The following TAS2R1 variants were observed in gnomAD, a reference collection of about 807,000 sequenced individuals.
The protein encoded by TAS2R1 is taste receptor type 2 member 1.
For missense variants in TAS2R1, 370 were observed against 353.4 expected, an observed-to-expected ratio of 1.05 and a Z score of -0.38; for synonymous variants, 141 against 134.2, an observed-to-expected ratio of 1.05 and a Z score of -0.35.
the TAS2R1 span, among the ~76,000 whole-genome samples, chr5:9,895,662 C>T: frequency 2.6e-5 from 4 of 152,352 alleles, no homozygotes; most frequent in East Asian, 1.9e-4. Context: ...CCAATATATG[C>T]AGTCTGCCCT....
At chr5:9,865,752 T>C in the TAS2R1 span, among the ~76,000 whole-genome samples, 1 of 152,242 alleles carries the variant, frequency 6.6e-6, no homozygotes. Context: ...TTGTTTCCCA[T>C]CACAAGTCAG....
intron 1 of TAS2R1, among the ~76,000 whole-genome samples, chr5:9,705,257 C>A (rs1741578183): frequency 6.6e-6 from 1 of 152,114 alleles, no homozygotes; most frequent in African/African-American, 2.4e-5. Context: ...GAGTGGCTAC[C>A]CCTGGCTAGA....
At chr5:9,855,573 C>A in the TAS2R1 span, among the ~76,000 whole-genome samples, 13 of 152,170 alleles carry the variant, frequency 8.5e-5, 1 homozygote, top group Admixed American at 2.0e-4. Flanking sequence ...AGTAATTGGG[C>A]AAATGCCTGA....
the TAS2R1 span, among the ~76,000 whole-genome samples, chr5:9,793,297 T>C: frequency 6.6e-6 from 1 of 152,106 alleles, no homozygotes; most frequent in Non-Finnish European, 1.5e-5. Flanking sequence ...TAATTGAAGA[T>C]AAAAGGGAAT....
chr5:9,727,016 T>G, the TAS2R1 span, among the ~76,000 whole-genome samples: 1 of 152,174 alleles, frequency 6.6e-6, no homozygotes, highest in Non-Finnish European at 1.5e-5. Context: ...TCAACCTCTT[T>G]GAGAAATATG....
At chr5:9,669,876 C>G (rs965428160) in intron 1 of TAS2R1, among the ~76,000 whole-genome samples, 1 of 151,950 alleles carries the variant, frequency 6.6e-6, no homozygotes, top group African/African-American at 2.4e-5. Context: ...TGAACCACCC[C>G]CAAACCTGGT....
the TAS2R1 span, among the ~76,000 whole-genome samples, chr5:9,758,557 T>C: frequency 6.6e-6 from 1 of 152,202 alleles, no homozygotes; most frequent in African/African-American, 2.4e-5. Context: ...AGACCATTAT[T>C]GTCCACCTAT....
At chr5:9,780,968 C>T in the TAS2R1 span, among the ~76,000 whole-genome samples, 1 of 152,320 alleles carries the variant, frequency 6.6e-6, no homozygotes, top group South Asian at 2.1e-4. Flanking sequence ...ACCAGCTTGC[C>T]TATGCATTTC....
chr5:9,743,689 A>G, the TAS2R1 span, among the ~76,000 whole-genome samples: 5 of 152,194 alleles, frequency 3.3e-5, no homozygotes, highest in African/African-American at 1.2e-4. Context: ...AAGCAATGTC[A>G]CGAATTGTAC....
intron 2 of TAS2R1, among the ~76,000 whole-genome samples, chr5:9,653,688 T>C (rs900055314): frequency 1.3e-5 from 2 of 152,174 alleles, no homozygotes; most frequent in Non-Finnish European, 2.9e-5. Flanking sequence ...TTACTTTCTG[T>C]TTGGATTTCC....
the TAS2R1 span, among the ~76,000 whole-genome samples, chr5:9,773,931 T>G: frequency 6.6e-6 from 1 of 152,220 alleles, no homozygotes; most frequent in Non-Finnish European, 1.5e-5. Flanking sequence ...TTCTATAGCC[T>G]TCTTGTACTT....
chr5:9,758,812 A>G, the TAS2R1 span, among the ~76,000 whole-genome samples: 2 of 152,214 alleles, frequency 1.3e-5, no homozygotes, highest in Non-Finnish European at 2.9e-5. Context: ...AACAGTTGTC[A>G]AGTAAATCCT....
chr5:9,748,622 G>A, the TAS2R1 span, among the ~76,000 whole-genome samples: 8 of 150,404 alleles, frequency 5.3e-5, no homozygotes, highest in African/African-American at 1.8e-4. Flanking sequence ...AAGAGAAAGA[G>A]GGAGGGAGAT....
chr5:9,878,204 A>G, the TAS2R1 span, among the ~76,000 whole-genome samples: 1 of 152,166 alleles, frequency 6.6e-6, no homozygotes, highest in East Asian at 1.9e-4. Flanking sequence ...TGCAATATAA[A>G]ATGGTTCATC....
the TAS2R1 span, among the ~76,000 whole-genome samples, chr5:9,754,128 A>G: frequency 6.6e-6 from 1 of 152,228 alleles, no homozygotes; most frequent in Admixed American, 6.5e-5. Context: ...AACGTAATCC[A>G]GCATATAAAC....
the TAS2R1 span, among the ~76,000 whole-genome samples, chr5:9,894,677 T>A: frequency 2.6e-5 from 4 of 152,254 alleles, no homozygotes; most frequent in Non-Finnish European, 5.9e-5. Context: ...AGTAAGTTAG[T>A]TCTATCCTGG....
At chr5:9,818,937 A>G in the TAS2R1 span, among the ~76,000 whole-genome samples, 1 of 152,204 alleles carries the variant, frequency 6.6e-6, no homozygotes. Flanking sequence ...TCACACAGTT[A>G]ATCTTCCCAG....
At chr5:9,846,782 C>G in the TAS2R1 span, among the ~76,000 whole-genome samples, 1 of 152,188 alleles carries the variant, frequency 6.6e-6, no homozygotes, top group Admixed American at 6.5e-5. Context: ...AACAATATTT[C>G]AATATGTGCC....
the TAS2R1 span, among the ~76,000 whole-genome samples, chr5:9,754,067 G>GT: frequency 6.6e-6 from 1 of 152,156 alleles, no homozygotes; most frequent in Non-Finnish European, 1.5e-5. Context: ...CCATGATCAA[G>GT]TGGGCTTCAT....
Sources: allele counts gnomAD v4.1 joint callset (sites outside exome capture counted in the v4.1 genomes callset), GRCh38; gene constraint gnomAD v4.1.1; transcripts MANE v1.5; gene names NCBI Gene and HGNC (gene_info 2026-07-23, HGNC 2026-07-21).